LAMA2: variants seen among roughly 807,000 people sequenced by gnomAD.
LAMA2 encodes laminin subunit alpha 2.
A neutral mutation model predicts 364.8 loss-of-function variants in LAMA2; 269 were observed. That is an observed-to-expected ratio of 0.74 (90% CI 0.67 to 0.82). LAMA2 has a LOEUF of 0.82. Among genes scored for constraint, LAMA2 ranks in the 40% least tolerant of loss-of-function variants. The pLI is 0.00. For synonymous variants in LAMA2, 1,379 were observed against 1,370.6 expected (o/e 1.01, Z -0.14); for missense variants, 3,807 against 3,873.2 (o/e 0.98, Z 0.45).
intron 41 of LAMA2, among the ~76,000 whole-genome samples, chr6:129,437,565 A>C (rs191150735): frequency 6.6e-6 from 1 of 152,202 alleles, no homozygotes; most frequent in East Asian, 1.9e-4. Context: ...AACAATTAGT[A>C]CGCATGTCCC....
intron 55 of LAMA2, among the ~76,000 whole-genome samples, chr6:129,482,605 AGTAT>A (rs1784400240): frequency 6.6e-6 from 1 of 152,208 alleles, no homozygotes; most frequent in African/African-American, 2.4e-5. Context: ...AATCAATTTT[AGTAT>A]GTAACATTTA....
At chr6:129,284,779 C>T (rs1229557865) in intron 18 of LAMA2, among the ~76,000 whole-genome samples, 1 of 152,030 alleles carries the variant, frequency 6.6e-6, no homozygotes, top group African/African-American at 2.4e-5. Context: ...TCCCTCCCTC[C>T]CTCTAACATT....
At chr6:129,064,961 G>A (rs995604465) in intron 3 of LAMA2, among the ~76,000 whole-genome samples, 4 of 152,122 alleles carry the variant, frequency 2.6e-5, no homozygotes, top group African/African-American at 4.8e-5. Context: ...TGCAAGAAAA[G>A]TACATTACAG....
At chr6:129,077,822 A>G (rs1433654410) in intron 3 of LAMA2, among the ~76,000 whole-genome samples, 7 of 152,322 alleles carry the variant, frequency 4.6e-5, no homozygotes, top group East Asian at 3.9e-4. Flanking sequence ...CTGACAATCA[A>G]GACACTATTT....
chr6:129,439,580 A>T (rs1781998506), intron 42 of LAMA2, among the ~76,000 whole-genome samples: 1 of 152,076 alleles, frequency 6.6e-6, no homozygotes, highest in African/African-American at 2.4e-5. Context: ...TTAGTGGTCA[A>T]ACCATGTCTG....
chr6:129,282,544 G>A (rs187850683), intron 18 of LAMA2, among the ~76,000 whole-genome samples: 2 of 152,080 alleles, frequency 1.3e-5, no homozygotes, highest in Non-Finnish European at 2.9e-5. Context: ...AGAGGGGAGG[G>A]TATAATGTCT....
chr6:129,444,389 A>G (rs1364379075), intron 44 of LAMA2, among the ~76,000 whole-genome samples: 1 of 152,212 alleles, frequency 6.6e-6, no homozygotes, highest in Non-Finnish European at 1.5e-5. Flanking sequence ...TGGAGAATTA[A>G]AGGAAGGGAA....
intron 58 of LAMA2, among the ~76,000 whole-genome samples, chr6:129,496,454 C>T (rs1437022501): frequency 1.3e-5 from 2 of 152,208 alleles, no homozygotes; most frequent in African/African-American, 2.4e-5. Context: ...GCATGAGACA[C>T]TGCGCCCGGC....
At position 129,359,697 on chromosome 6, in the gene LAMA2, C is replaced by T. The variant is rs141817017; in HGVS notation, c.4717+6340C>T. ...AAATGTGTATTTACTCATTTTATTC[C>T]TATTTGATTAGAGCAGAGAATTTAT... On this transcript the variant is annotated intron_variant, in intron 32 of 64. Coordinates refer to ENST00000421865, the MANE Select transcript of LAMA2 (RefSeq NM_000426.4). Among the ~76,000 whole-genome samples the T allele has an allele frequency of 3.2e-3, 421 of 131,256 alleles. 3 individuals carry two copies. The highest frequency in any genetic ancestry group is 0.012 in the African/African-American group (401 of 34,504). The allele number at this position is 131,256 out of a possible 152,430, so 86.1% of individuals were successfully genotyped here.
intron 1 of LAMA2, among the ~76,000 whole-genome samples, chr6:128,971,427 A>C (rs1198141156): frequency 6.6e-6 from 1 of 152,274 alleles, no homozygotes; most frequent in Non-Finnish European, 1.5e-5. Flanking sequence ...TTAAGCTCAT[A>C]GGTGAATGTG....
rs373743625 is a variant in LAMA2, at chr6:129,314,261, C to T, written c.3412-394C>T. On this transcript the variant is annotated intron_variant, in intron 23 of 64. Transcript: ENST00000421865. ...TAAAAATACAAAAATTAGCTGGGCGCGGTGGCGGGCGCCTGTAGTCCCATC... is the reference window on the plus strand; with the variant it reads ...TAAAAATACAAAAATTAGCTGGGCGTGGTGGCGGGCGCCTGTAGTCCCATC... 3.4e-4 allele frequency among the ~76,000 whole-genome samples: 52 copies of T among 152,070 alleles called. 1 individual carries two copies. In the South Asian group the frequency reaches 0.011, roughly 32 times the overall value.
chr6:129,149,629 C>T (rs1261509165), intron 7 of LAMA2, among the ~76,000 whole-genome samples: 2 of 152,098 alleles, frequency 1.3e-5, no homozygotes, highest in Non-Finnish European at 2.9e-5. Context: ...GTCTTTAAAA[C>T]TATTGAATCA....
At chr6:129,373,738 G>A (rs1778217867) in intron 34 of LAMA2, among the ~76,000 whole-genome samples, 1 of 152,016 alleles carries the variant, frequency 6.6e-6, no homozygotes, top group South Asian at 2.1e-4. Context: ...CCTCAATTGG[G>A]GTTTGCCTCA....
intron 1 of LAMA2, among the ~76,000 whole-genome samples, chr6:128,993,592 C>A (rs774302893): frequency 6.6e-6 from 1 of 152,082 alleles, no homozygotes; most frequent in Non-Finnish European, 1.5e-5. Flanking sequence ...TCCTAATATG[C>A]ATTTTTATGG....
At chr6:128,949,545 G>A (rs1243556383) in intron 1 of LAMA2, among the ~76,000 whole-genome samples, 1 of 152,122 alleles carries the variant, frequency 6.6e-6, no homozygotes, top group Non-Finnish European at 1.5e-5. Context: ...GAAGAATAGA[G>A]AGAGAAAGGA....
intron 18 of LAMA2, among the ~76,000 whole-genome samples, chr6:129,285,360 A>C (rs1789030883): frequency 6.6e-6 from 1 of 152,116 alleles, no homozygotes; most frequent in Non-Finnish European, 1.5e-5. Flanking sequence ...TTTTCCTTAC[A>C]CGTCCTGCAA....
intron 32 of LAMA2, among the ~76,000 whole-genome samples, chr6:129,357,267 A>G (rs1777200859): frequency 6.6e-6 from 1 of 152,074 alleles, no homozygotes; most frequent in African/African-American, 2.4e-5. Flanking sequence ...TATCATTAAC[A>G]CAGAATAACC....
At chr6:129,109,209 T>C (rs1775998584) in intron 4 of LAMA2, among the ~76,000 whole-genome samples, 2 of 152,048 alleles carry the variant, frequency 1.3e-5, no homozygotes, top group Non-Finnish European at 2.9e-5. Context: ...AATCTGTTGA[T>C]TCTGTGTTGG....
At chr6:129,282,511 C>G (rs1371824634) in intron 18 of LAMA2, among the ~76,000 whole-genome samples, 1 of 152,038 alleles carries the variant, frequency 6.6e-6, no homozygotes, top group African/African-American at 2.4e-5. Flanking sequence ...TTACCTAGTA[C>G]CAAAGGCCTT....
Sources: gnomAD v4.1 joint callset for allele counts (sites outside exome capture counted in the v4.1 genomes callset) on GRCh38, gnomAD v4.1.1 for gene constraint, MANE v1.5 for transcripts, NCBI Gene and HGNC (gene_info 2026-07-23, HGNC 2026-07-21) for gene names.